SCARB2: variants seen among roughly 807,000 people sequenced by gnomAD.
The protein encoded by SCARB2 is lysosome membrane protein 2.
A neutral mutation model predicts 58.6 loss-of-function variants in SCARB2; 29 were observed. The observed-to-expected ratio is 0.49, with a 90% confidence interval of 0.37 to 0.67. The LOEUF is 0.67. Ranked by LOEUF, SCARB2 falls within the 30% of genes least tolerant of loss-of-function variation. The pLI, the probability that SCARB2 is intolerant of heterozygous loss-of-function variation, is 0.00. For missense variants in SCARB2, 488 were observed against 578.5 expected, an observed-to-expected ratio of 0.84 and a Z score of 1.60; for synonymous variants, 195 against 210.1, an observed-to-expected ratio of 0.93 and a Z score of 0.62.
At chr4:76,163,180 G>C (rs983787812) in intron 11 of SCARB2, 45 bp downstream of exon 11, 36 of 1,612,088 alleles carry the variant, frequency 2.2e-5, no homozygotes, top group Middle Eastern at 1.6e-4. Flanking sequence ...AATTCCTCAG[G>C]TAAAGTTATC....
At position 76,206,667 on chromosome 4, in the gene SCARB2, G is replaced by A. The variant is rs538444340; in HGVS notation, c.117+6760C>T. 4.2e-4 allele frequency among the ~76,000 whole-genome samples: 63 copies of A among 151,368 alleles called. No individual in the cohort carries two copies. The Middle Eastern group carries it at 0.017, about 41-fold the overall frequency. On this transcript the variant is annotated intron_variant, in intron 1 of 11. Coordinates refer to ENST00000264896, the MANE Select transcript of SCARB2 (RefSeq NM_005506.4). ...AAAAGACACAAAACTAAATACGACA[G>A]GACATCTACCTTCAAAGAGAGCTTT...
At chr4:76,202,672 T>C (rs1732852537) in intron 1 of SCARB2, among the ~76,000 whole-genome samples, 1 of 152,192 alleles carries the variant, frequency 6.6e-6, no homozygotes, top group South Asian at 2.1e-4. Flanking sequence ...AAAATTTAAA[T>C]CCCCTGTAAT....
chr4:76,215,812 T>TA (rs1216585029), upstream of SCARB2, among the ~76,000 whole-genome samples: 1 of 152,132 alleles, frequency 6.6e-6, no homozygotes, highest in Non-Finnish European at 1.5e-5. Flanking sequence ...CAGCTGTCCC[T>TA]AGCCTTTTGA....
intron 1 of SCARB2, among the ~76,000 whole-genome samples, chr4:76,230,164 G>A (rs891844161): frequency 6.6e-6 from 1 of 152,150 alleles, no homozygotes; most frequent in Admixed American, 6.5e-5. Flanking sequence ...TGCAGGGTTA[G>A]ACAAGTCTGA....
intron 1 of SCARB2, among the ~76,000 whole-genome samples, chr4:76,223,433 A>G (rs1178634228): frequency 1.3e-5 from 2 of 152,210 alleles, no homozygotes; most frequent in Admixed American, 1.3e-4. Flanking sequence ...TTGGCTGGGT[A>G]CTGTGAGAAG....
Position 76,160,151 on chromosome 4 carries a change from A to G in SCARB2, c.*1562T>C, listed in dbSNP as rs569459997. ...CATATTGTTTTAGTGTAGAAAAAGG[A>G]AAAATTGTCAGTAAAACAATTTATT... On this transcript the variant is annotated 3_prime_UTR_variant, in exon 12 of 12. Transcript: ENST00000264896. 6.6e-6 allele frequency: 1 copy of G among 152,332 alleles called. No homozygotes were observed. The highest frequency in any genetic ancestry group is 1.5e-5 in the Non-Finnish European group (1 of 68,024). 9.4% of individuals were successfully genotyped at this position (152,332 alleles called of 1,614,324 possible). A position where few individuals can be genotyped will look rare whatever the true frequency, so the allele number is the denominator to read the frequency against.
chr4:76,231,761 C>T (rs527534378), intron 1 of SCARB2, among the ~76,000 whole-genome samples: 1 of 152,268 alleles, frequency 6.6e-6, no homozygotes, highest in African/African-American at 2.4e-5. Flanking sequence ...GTGATCCTCT[C>T]CTCTTAAGGT....
At chr4:76,161,883 C>T (rs1392600571) in intron 11 of SCARB2, 132 bp from the exon 12 acceptor site, 1 of 807,186 alleles carries the variant, frequency 1.2e-6, no homozygotes, top group Non-Finnish European at 2.1e-6. Context: ...TCTCACTCAC[C>T]TCCCCTCTTG....
At chr4:76,202,032 A>C (rs751487136) in intron 1 of SCARB2, among the ~76,000 whole-genome samples, 1 of 152,232 alleles carries the variant, frequency 6.6e-6, no homozygotes, top group Admixed American at 6.5e-5. Context: ...TGATATAACA[A>C]GGAACAAACT....
At chr4:76,230,455 A>G (rs1173023148) in intron 1 of SCARB2, among the ~76,000 whole-genome samples, 1 of 152,000 alleles carries the variant, frequency 6.6e-6, no homozygotes, top group Non-Finnish European at 1.5e-5. Flanking sequence ...TGAGAAAGCA[A>G]GCATCACTTT....
At chr4:76,186,890 T>A (rs2109953774) in intron 2 of SCARB2, among the ~76,000 whole-genome samples, 1 of 152,236 alleles carries the variant, frequency 6.6e-6, no homozygotes, top group Admixed American at 6.5e-5. Flanking sequence ...GCTACCAATC[T>A]AAAAACACTA....
At chr4:76,183,274 T>G (rs1732421639) in intron 2 of SCARB2, among the ~76,000 whole-genome samples, 1 of 152,194 alleles carries the variant, frequency 6.6e-6, no homozygotes. Flanking sequence ...TCAATTCAAT[T>G]CTGATACTTT....
At chr4:76,186,628 G>A (rs1242404857) in intron 2 of SCARB2, among the ~76,000 whole-genome samples, 1 of 152,168 alleles carries the variant, frequency 6.6e-6, no homozygotes, top group Non-Finnish European at 1.5e-5. Flanking sequence ...CAGTGTGCAA[G>A]AAACAGTTTC....
intron 2 of SCARB2, among the ~76,000 whole-genome samples, chr4:76,181,820 C>T (rs1031549743): frequency 6.6e-6 from 1 of 152,128 alleles, no homozygotes; most frequent in Admixed American, 6.5e-5. Flanking sequence ...CCTGCCTCGA[C>T]CTTCCAAAAT....
chr4:76,176,639 G>T, intron 4 of SCARB2, 111 bp from the exon 5 acceptor site: 1 of 739,936 alleles, frequency 1.4e-6, no homozygotes, highest in Non-Finnish European at 2.4e-6. Flanking sequence ...ATGGTGTGGT[G>T]AAGGTATTTT....
At chr4:76,174,958 G>C in intron 6 of SCARB2, 1 of 154,196 alleles carries the variant, frequency 6.5e-6, no homozygotes, top group Admixed American at 6.4e-5. Flanking sequence ...CCACTTTGAT[G>C]TACACAGTCA....
At chr4:76,180,123 T>C in intron 3 of SCARB2, 1 of 267,112 alleles carries the variant, frequency 3.7e-6, no homozygotes, top group South Asian at 4.5e-5. Flanking sequence ...GGGTCCATCA[T>C]CAGTGTCCAG....
intron 1 of SCARB2, among the ~76,000 whole-genome samples, chr4:76,196,181 C>T (rs747286790): frequency 1.1e-4 from 16 of 152,124 alleles, no homozygotes; most frequent in Non-Finnish European, 1.9e-4. Flanking sequence ...GGTGAAACCC[C>T]GTCTCTACTA....
chr4:76,181,223 A>C (rs1732376948), intron 2 of SCARB2, 122 bp from the exon 3 acceptor site: 3 of 982,712 alleles, frequency 3.1e-6, no homozygotes, highest in Non-Finnish European at 4.6e-6. Context: ...CATTATATAG[A>C]GACTGCAGCT....
Sources: gnomAD v4.1 joint callset for allele counts (sites outside exome capture counted in the v4.1 genomes callset) on GRCh38, gnomAD v4.1.1 for gene constraint, MANE v1.5 for transcripts, NCBI Gene and HGNC (gene_info 2026-07-23, HGNC 2026-07-21) for gene names.